Variants in CDCA4 observed in about 807,000 individuals in gnomAD.
CDCA4 encodes the protein cell division cycle-associated protein 4.
For synonymous variants in CDCA4, 130 were observed against 137.0 expected (o/e 0.95, Z 0.36); for missense variants, 294 against 322.1 (o/e 0.91, Z 0.67).
rs1353790241 is a variant in CDCA4, at chr14:105,011,831, C to T, written c.99G>A (p.Gln33=). 2 of 1,613,932 alleles carry T rather than the reference C, an allele frequency of 1.2e-6. No individual in the cohort carries two copies. The highest frequency in any genetic ancestry group is 2.7e-5 in the African/African-American group (2 of 75,076). The change falls in exon 2 of 2, where the codon CAG becomes CAA. Residue 33 remains glutamine (Q), a synonymous_variant. Transcript: ENST00000336219. ...GLKTVSSYSL[Q]RQSLLDMSLV... is the part of the protein sequence containing the mutation. Reference sequence around the variant, plus strand: ...GAGACATGTCCAGGAGCGACTGCCGCTGCAGGCTGTATGAGGACACTGTCT... The same window carrying T: ...GAGACATGTCCAGGAGCGACTGCCGTTGCAGGCTGTATGAGGACACTGTCT...
chr14:105,013,793 T>C (rs6576069), intron 1 of CDCA4, among the ~76,000 whole-genome samples: 83,517 of 152,064 alleles, frequency 0.55, 25,502 homozygotes, highest in Middle Eastern at 0.73. Context: ...CTTTAACACA[T>C]GTAAATTTTA....
At position 105,011,573 on chromosome 14, in the gene CDCA4, G is replaced by A. The variant is rs781241079; in HGVS notation, c.357C>T (p.Asp119=). Residue 119 remains aspartate, a synonymous_variant, in exon 2 of 2, where the codon GAC becomes GAT. Coordinates refer to ENST00000336219, the MANE Select transcript of CDCA4 (RefSeq NM_017955.4). ...EGAHPAPGLG[D]GHTQGPVSDL... is the part of the protein sequence containing the mutation. The stretch of plus-strand genomic sequence containing the variant: ...CAGAAACTGGACCCTGTGTGTGGCC[G>A]TCCCCCAAGCCAGGAGCAGGATGTG... The A allele has an allele frequency of 2.0e-5, 32 of 1,613,782 alleles. No individual in the cohort carries two copies. The highest frequency in any genetic ancestry group is 1.6e-4 in the East Asian group (7 of 44,890).
chr14:105,012,472 A>G (rs1244463793), intron 1 of CDCA4, among the ~76,000 whole-genome samples: 1 of 152,214 alleles, frequency 6.6e-6, no homozygotes, highest in Non-Finnish European at 1.5e-5. Flanking sequence ...CGTTCAGAAG[A>G]GTTAGTGCCT....
At chr14:105,018,437 T>C (rs1031066455) in intron 1 of CDCA4, among the ~76,000 whole-genome samples, 2 of 152,218 alleles carry the variant, frequency 1.3e-5, no homozygotes, top group African/African-American at 4.8e-5. Flanking sequence ...AGGTGCTTTT[T>C]ACAGTCACGT....
chr14:105,011,300 G>A lies in CDCA4; in HGVS notation c.630C>T (p.Leu210=), dbSNP rs776600470. 7.4e-6 allele frequency: 12 copies of A among 1,613,816 alleles called. No individual in the cohort carries two copies. Among genetic ancestry groups the A allele is most frequent in the Middle Eastern group, 1.6e-4 (1 of 6,066 alleles). Residue 210 remains leucine, a synonymous_variant, in exon 2 of 2, where the codon CTC becomes CTT. Transcript: ENST00000336219. ...GGARPGPCEG[L]EGLAPATPGP... ...CTGGGGTGGCCGGAGCCAAGCCCTC[G>A]AGCCCTTCGCAGGGGCCCGGCCTGG...
intron 1 of CDCA4, among the ~76,000 whole-genome samples, chr14:105,018,597 G>A (rs1179333754): frequency 6.6e-6 from 1 of 152,118 alleles, no homozygotes; most frequent in African/African-American, 2.4e-5. Context: ...AACCAGCCCC[G>A]AGGGATGCCT....
In CDCA4 at chr14:105,011,298, T is replaced by C. The variant is rs1191070808; in HGVS notation, c.632A>G (p.Glu211Gly). 11 of 1,614,030 alleles carry C rather than the reference T, an allele frequency of 6.8e-6. No individual in the cohort carries two copies. The highest frequency in any genetic ancestry group is 9.3e-6 in the Non-Finnish European group (11 of 1,179,980). The change falls in exon 2 of 2, where the codon GAG (glutamate) becomes GGG (glycine). Residue 211 changes from glutamate to glycine, a missense_variant. Glu to Gly is a moderately conservative substitution (Grantham distance 98, BLOSUM62 -2). Transcript: ENST00000336219. Reference protein sequence around the residue: ...GARPGPCEGLEGLAPATPGPS... With the variant: ...GARPGPCEGLGGLAPATPGPS... ...GCCTGGGGTGGCCGGAGCCAAGCCC[T>C]CGAGCCCTTCGCAGGGGCCCGGCCT...
intron 1 of CDCA4, among the ~76,000 whole-genome samples, chr14:105,012,891 A>T (rs946619907): frequency 3.6e-5 from 5 of 138,546 alleles, no homozygotes; most frequent in Non-Finnish European, 6.2e-5. Flanking sequence ...TCTCATCTCA[A>T]CTCCTTTCTC....
At chr14:105,015,260 G>A (rs1020460172) in intron 1 of CDCA4, among the ~76,000 whole-genome samples, 4 of 152,220 alleles carry the variant, frequency 2.6e-5, no homozygotes, top group African/African-American at 7.2e-5. Context: ...TTAAGAGGAT[G>A]AATTCAGTGC....
chr14:105,012,196 GAC>G (rs1182232495), intron 1 of CDCA4, among the ~76,000 whole-genome samples: 1 of 152,228 alleles, frequency 6.6e-6, no homozygotes, highest in Non-Finnish European at 1.5e-5. Flanking sequence ...ACTGTACCAC[GAC>G]AGTGTTTTAT....
At chr14:105,019,077 T>A (rs759394047) in intron 1 of CDCA4, among the ~76,000 whole-genome samples, 2 of 152,062 alleles carry the variant, frequency 1.3e-5, no homozygotes, top group African/African-American at 4.8e-5. Flanking sequence ...TCTAGTTAAA[T>A]GCCTAAAATC....
rs960630908 is a variant in CDCA4 at position 105,019,504 on chromosome 14, G to A, written c.-7+1495C>T. Among the ~76,000 whole-genome samples the A allele has an allele frequency of 3.3e-5, 5 of 152,250 alleles. No homozygotes were observed. The South Asian group carries it at 1.0e-3, about 32-fold the overall frequency. ...TGTCACCTTCACAGCTGGACTTGCA[G>A]CCACTTCAAAGTTTCGGGTTTTTAA... On this transcript the variant is annotated intron_variant, in intron 1 of 1. Transcript: ENST00000336219.
intron 1 of CDCA4, among the ~76,000 whole-genome samples, chr14:105,017,906 G>A (rs988454438): frequency 2.0e-5 from 3 of 151,530 alleles, no homozygotes; most frequent in African/African-American, 7.3e-5. Context: ...TTCTGACAAA[G>A]GAATGCAACT....
At chr14:105,020,759 GCCCGGGCCCCTCTGTTC>G (rs1466804326) in intron 1 of CDCA4, among the ~76,000 whole-genome samples, 2 of 151,974 alleles carry the variant, frequency 1.3e-5, no homozygotes, top group African/African-American at 2.4e-5. Context: ...GCAGACGGCG[GCCCGGGCCCCTCTGTTC>G]CCCGGGCCCC....
At chr14:105,020,921 C>T (rs1886216971) in intron 1 of CDCA4, 78 bp downstream of exon 1, 1 of 152,086 alleles carries the variant, frequency 6.6e-6, no homozygotes, top group Admixed American at 6.6e-5. Flanking sequence ...CGCGCACCGC[C>T]CCCAGGCTCC....
rs748596054 is a variant in CDCA4 at position 105,011,716 on chromosome 14, C to T, written c.214G>A (p.Glu72Lys). The T allele has an allele frequency of 2.5e-6, 4 of 1,613,606 alleles. No individual in the cohort carries two copies. Among genetic ancestry groups the T allele is most frequent in the Admixed American group, 1.7e-5 (1 of 60,006 alleles). Reference protein sequence around the residue: ...IANTVRQIQEEMTQDGTWRTV... With the variant: ...IANTVRQIQEKMTQDGTWRTV... ...CGCCACGTCCCATCCTGCGTCATCT[C>T]CTCTTGGATCTGCCGGACCGTGTTG... Residue 72 changes from glutamate (E) to lysine (K), a missense_variant, in exon 2 of 2, where the codon GAG becomes AAG. By Grantham distance (56) the Glu-to-Lys change is moderately conservative. Transcript: ENST00000336219.
In CDCA4 at chr14:105,017,304, C is replaced by T. The variant is rs189096221; in HGVS notation, c.-7+3695G>A. Among the ~76,000 whole-genome samples, 25 of 152,070 alleles carry T rather than the reference C, an allele frequency of 1.6e-4. No homozygotes were observed. In the East Asian group the frequency reaches 4.7e-3, roughly 28 times the overall value. The stretch of plus-strand genomic sequence containing the variant: ...CTCGGCTCACTGCAACCTCCACCTC[C>T]TAGGTTCAAGCGATTCTCCTGCCTC... On this transcript the variant is annotated intron_variant, in intron 1 of 1. Coordinates refer to ENST00000336219, the MANE Select transcript of CDCA4 (RefSeq NM_017955.4).
intron 1 of CDCA4, 114 bp from the exon 2 acceptor site, chr14:105,012,049 T>C: frequency 8.1e-7 from 1 of 1,237,616 alleles, no homozygotes; most frequent in South Asian, 1.4e-5. Flanking sequence ...ACTCCGTAAC[T>C]GGCAGGGACT....
At position 105,009,823 on chromosome 14, in the gene CDCA4, G is replaced by C. The variant is rs1376451160; in HGVS notation, c.*1381C>G. 1.3e-5 allele frequency: 2 copies of C among 152,138 alleles called. No individual in the cohort carries two copies. The highest frequency in any genetic ancestry group is 2.9e-5 in the Non-Finnish European group (2 of 68,040). The allele number at this position is 152,138 out of a possible 1,614,324, so 9.4% of individuals were successfully genotyped here. On this transcript the variant is annotated 3_prime_UTR_variant, in exon 2 of 2. Transcript: ENST00000336219. ...CCCAGCGTCCATTTAATGCAGCCAA[G>C]TGCAATTCCTTTCCCCACCTTAGAA...
Sources: allele counts gnomAD v4.1 joint callset (sites outside exome capture counted in the v4.1 genomes callset), GRCh38; gene constraint gnomAD v4.1.1; transcripts MANE v1.5; gene names NCBI Gene and HGNC (gene_info 2026-07-23, HGNC 2026-07-21).